The following CAST variants were observed in gnomAD, a reference collection of about 807,000 sequenced individuals.
CAST encodes calpastatin.
CAST carries 76 observed loss-of-function variants against 119.6 expected under a neutral mutation model. The ratio of observed to expected loss-of-function variants is 0.64; its 90% confidence interval spans 0.53 to 0.77. The LOEUF is 0.77. Ranked by LOEUF, CAST falls within the 30% of genes least tolerant of loss-of-function variation. The probability of loss-of-function intolerance (pLI) is 0.00; values close to 1 mark genes in which losing one functional copy is unlikely to be tolerated. For synonymous variants in CAST, 319 were observed against 331.6 expected, an observed-to-expected ratio of 0.96 and a Z score of 0.41; for missense variants, 953 against 946.5, an observed-to-expected ratio of 1.01 and a Z score of -0.09.
intron 3 of CAST, among the ~76,000 whole-genome samples, chr5:96,705,324 T>A (rs1041771740): frequency 1.7e-4 from 26 of 150,844 alleles, no homozygotes; most frequent in African/African-American, 5.3e-4. Context: ...GTCAAAAAAA[T>A]ATATATATAA....
chr5:96,252,883 A>G, the CAST span, among the ~76,000 whole-genome samples: 1 of 152,172 alleles, frequency 6.6e-6, no homozygotes, highest in African/African-American at 2.4e-5. Flanking sequence ...ACTAAAATTT[A>G]GTGGTAACAG....
the CAST span, among the ~76,000 whole-genome samples, chr5:96,297,740 C>A: frequency 4.1e-4 from 62 of 151,176 alleles, no homozygotes; most frequent in Non-Finnish European, 7.8e-4. Flanking sequence ...CTTTTTTTTT[C>A]TTTATCTTAA....
At chr5:96,048,324 C>T in the CAST span, among the ~76,000 whole-genome samples, 1 of 152,068 alleles carries the variant, frequency 6.6e-6, no homozygotes, top group African/African-American at 2.4e-5. Context: ...AGTAATTCAG[C>T]TAAGAGACAA....
At chr5:96,170,017 G>A in the CAST span, among the ~76,000 whole-genome samples, 1 of 152,172 alleles carries the variant, frequency 6.6e-6, no homozygotes, top group Non-Finnish European at 1.5e-5. Flanking sequence ...CCCTTGAAAA[G>A]AAGGTAATGT....
At chr5:96,494,425 A>C in the CAST span, among the ~76,000 whole-genome samples, 1 of 152,252 alleles carries the variant, frequency 6.6e-6, no homozygotes, top group African/African-American at 2.4e-5. Flanking sequence ...ATGGAATAGC[A>C]AGAACAGAAT....
chr5:96,513,827 G>A, the CAST span, among the ~76,000 whole-genome samples: 6 of 152,158 alleles, frequency 3.9e-5, no homozygotes, highest in Admixed American at 2.0e-4. Context: ...TTATTCTCTC[G>A]CCGTCCTAGA....
the CAST span, among the ~76,000 whole-genome samples, chr5:96,466,368 A>G: frequency 6.6e-6 from 1 of 152,118 alleles, no homozygotes; most frequent in East Asian, 1.9e-4. Context: ...CTGGAAGTAC[A>G]ATAAGATTTT....
chr5:96,206,954 A>G, the CAST span, among the ~76,000 whole-genome samples: 1 of 152,022 alleles, frequency 6.6e-6, no homozygotes, highest in East Asian at 1.9e-4. Flanking sequence ...ATGTTTTTCT[A>G]TTCATTTGTG....
the CAST span, among the ~76,000 whole-genome samples, chr5:96,236,111 G>GTCTGTCTGTCTA: frequency 6.6e-6 from 1 of 151,654 alleles, no homozygotes; most frequent in African/African-American, 2.4e-5. Flanking sequence ...CTGTCTGTCT[G>GTCTGTCTGTCTA]TCTATCTATC....
At chr5:96,559,210 A>G (rs903510762) in intron 1 of CAST, among the ~76,000 whole-genome samples, 4 of 152,132 alleles carry the variant, frequency 2.6e-5, no homozygotes, top group African/African-American at 9.7e-5. Context: ...AAGTATCTCA[A>G]AATAATAAGA....
chr5:96,649,314 C>T (rs571834038), intron 1 of CAST, among the ~76,000 whole-genome samples: 1 of 152,292 alleles, frequency 6.6e-6, no homozygotes, highest in South Asian at 2.1e-4. Flanking sequence ...TCAACACAAA[C>T]ATGTGTTCCT....
chr5:96,572,237 G>T (rs1746583043), intron 1 of CAST, among the ~76,000 whole-genome samples: 1 of 150,128 alleles, frequency 6.7e-6, no homozygotes, highest in Non-Finnish European at 1.5e-5. Flanking sequence ...GTCTCACTGT[G>T]TCTCCCAGGC....
At chr5:96,614,375 A>C (rs1747416576) in intron 1 of CAST, among the ~76,000 whole-genome samples, 1 of 152,226 alleles carries the variant, frequency 6.6e-6, no homozygotes, top group East Asian at 1.9e-4. Flanking sequence ...AGTGTTGACA[A>C]GGGATTTTCA....
At chr5:95,972,174 G>A in the CAST span, among the ~76,000 whole-genome samples, 1 of 149,902 alleles carries the variant, frequency 6.7e-6, no homozygotes. Flanking sequence ...TGTTGCCCAG[G>A]CTGGTCTCAA....
the CAST span, among the ~76,000 whole-genome samples, chr5:96,311,035 C>A: frequency 6.6e-6 from 1 of 151,592 alleles, no homozygotes; most frequent in African/African-American, 2.4e-5. Context: ...TTTTTTGCTA[C>A]CTTTCTTCTT....
At chr5:96,550,461 C>A (rs552604588) in intron 1 of CAST, among the ~76,000 whole-genome samples, 1 of 152,250 alleles carries the variant, frequency 6.6e-6, no homozygotes, top group East Asian at 1.9e-4. Context: ...TGAGGAGAAA[C>A]CAGAGCAGAA....
the CAST span, among the ~76,000 whole-genome samples, chr5:96,063,963 T>C: frequency 6.6e-6 from 1 of 152,180 alleles, no homozygotes; most frequent in Admixed American, 6.5e-5. Flanking sequence ...TACGTGAGAC[T>C]GTGAGTAAGA....
chr5:95,996,710 A>C, the CAST span, among the ~76,000 whole-genome samples: 1 of 152,210 alleles, frequency 6.6e-6, no homozygotes, highest in African/African-American at 2.4e-5. Context: ...GTTAAGATGT[A>C]AATTACTTGG....
At chr5:96,024,609 G>A in the CAST span, among the ~76,000 whole-genome samples, 3 of 151,726 alleles carry the variant, frequency 2.0e-5, no homozygotes, top group Non-Finnish European at 2.9e-5. Context: ...GCTTTTTACA[G>A]CTACAAGCAA....
Sources: gnomAD v4.1 joint callset for allele counts (sites outside exome capture counted in the v4.1 genomes callset) on GRCh38, gnomAD v4.1.1 for gene constraint, MANE v1.5 for transcripts, NCBI Gene and HGNC (gene_info 2026-07-23, HGNC 2026-07-21) for gene names.